The following AKR1E2 variants were observed in gnomAD, a reference collection of about 807,000 sequenced individuals.
AKR1E2 encodes the protein aldo-keto reductase family 1 member E2.
A neutral mutation model predicts 41.9 loss-of-function variants in AKR1E2; 43 were observed. That is an observed-to-expected ratio of 1.03 (90% CI 0.80 to 1.32). The LOEUF is 1.32. Among genes scored for constraint, AKR1E2 ranks in the 40% most tolerant of loss-of-function variants. The pLI, the probability that AKR1E2 is intolerant of heterozygous loss-of-function variation, is 0.00. For synonymous variants in AKR1E2, 121 were observed against 138.9 expected (o/e 0.87, Z 0.91); for missense variants, 423 against 396.5 (o/e 1.07, Z -0.57).
the AKR1E2 span, among the ~76,000 whole-genome samples, chr10:4,872,393 C>G: frequency 3.3e-5 from 5 of 152,014 alleles, no homozygotes; most frequent in Non-Finnish European, 7.4e-5. Flanking sequence ...TATGACTTTT[C>G]TTGGGAGAAA....
At chr10:4,871,765 G>C in the AKR1E2 span, 1 of 152,082 alleles carries the variant, frequency 6.6e-6, no homozygotes, top group Non-Finnish European at 1.5e-5. Flanking sequence ...TCTGATCCGG[G>C]GTCTTAGGCC....
rs1832899175 is a variant in AKR1E2, at chr10:4,830,683, A to G, written c.48A>G (p.Pro16=). The G allele has an allele frequency of 1.2e-6, 2 of 1,614,046 alleles. No individual in the cohort carries two copies. Among genetic ancestry groups the G allele is most frequent in the Non-Finnish European group, 1.7e-6 (2 of 1,179,926 alleles). Residue 16 remains proline, a synonymous_variant, in exon 2 of 10, where the codon CCA becomes CCG. Transcript: ENST00000298375. ...TTTTGTTGGTTTTGCAGGCTTCTCC[A>G]GGGAAAGTGACCGAGGCAGTGAAAG... ...AVGLSSWKAS[P]GKVTEAVKEA... is the part of the protein sequence containing the mutation.
At chr10:4,830,908 T>C in intron 2 of AKR1E2, 66 bp downstream of exon 2, 2 of 1,586,308 alleles carry the variant, frequency 1.3e-6, no homozygotes, top group Non-Finnish European at 1.7e-6. Context: ...GGCTTTCTAC[T>C]TTCTTTATGG....
At chr10:4,862,277 T>G in the AKR1E2 span, among the ~76,000 whole-genome samples, 8 of 152,184 alleles carry the variant, frequency 5.3e-5, no homozygotes, top group Non-Finnish European at 1.2e-4. Context: ...TCTGTTCTGT[T>G]CCATTGGTCT....
At chr10:4,828,115 C>A (rs1375102063) in intron 1 of AKR1E2, among the ~76,000 whole-genome samples, 1 of 152,158 alleles carries the variant, frequency 6.6e-6, no homozygotes, top group Non-Finnish European at 1.5e-5. Flanking sequence ...AGAAATGCTG[C>A]ATCAATGGCC....
At chr10:4,857,774 A>G in the AKR1E2 span, among the ~76,000 whole-genome samples, 3 of 152,148 alleles carry the variant, frequency 2.0e-5, no homozygotes, top group South Asian at 6.2e-4. Flanking sequence ...TAGGTTATCT[A>G]ACTTGCTGGC....
At chr10:4,853,115 A>C in the AKR1E2 span, among the ~76,000 whole-genome samples, 1 of 152,188 alleles carries the variant, frequency 6.6e-6, no homozygotes, top group East Asian at 1.9e-4. Context: ...GCCCCTAAAA[A>C]CTATTGTAGC....
the AKR1E2 span, among the ~76,000 whole-genome samples, chr10:4,860,294 G>A: frequency 2.0e-5 from 3 of 152,186 alleles, no homozygotes; most frequent in Non-Finnish European, 2.9e-5. Flanking sequence ...AGGCACCTTT[G>A]AGGTCAAGAA....
upstream of AKR1E2, chr10:4,825,083 C>T (rs1051048005): frequency 1.8e-5 from 8 of 448,848 alleles, no homozygotes; most frequent in African/African-American, 1.0e-4. Flanking sequence ...ATGAGAGTAT[C>T]GAAGATCCCC....
chr10:4,842,461 T>C lies in AKR1E2; in HGVS notation c.794T>C (p.Ile265Thr). ...CAAATCCAGAGGAATGTGATAGTGA[T>C]CCCCGGATCTATCACCCCAAGTCAC... ...RFQIQRNVIVIPGSITPSHIK... is the reference protein window; with the variant it reads ...RFQIQRNVIVTPGSITPSHIK... The change falls in exon 8 of 10, where the codon ATC (isoleucine) becomes ACC (threonine). Residue 265 changes from isoleucine to threonine, a missense_variant. By Grantham distance (89) the Ile-to-Thr change is moderately conservative. Coordinates refer to ENST00000298375, the MANE Select transcript of AKR1E2 (RefSeq NM_001040177.3). 6.2e-7 allele frequency: 1 copy of C among 1,614,178 alleles called. No homozygotes were observed. Among genetic ancestry groups the C allele is most frequent in the South Asian group, 1.1e-5 (1 of 91,074 alleles).
At chr10:4,837,364 A>G (rs1012443240) in intron 4 of AKR1E2, 95 bp from the exon 5 acceptor site, 104 of 1,460,122 alleles carry the variant, frequency 7.1e-5, no homozygotes, top group African/African-American at 9.8e-5. Context: ...ATTGGGTCCA[A>G]CCAGTTTTAG....
At chr10:4,832,469 G>C (rs1833044872) in intron 2 of AKR1E2, among the ~76,000 whole-genome samples, 1 of 152,192 alleles carries the variant, frequency 6.6e-6, no homozygotes, top group South Asian at 2.1e-4. Flanking sequence ...AGCAACTGGA[G>C]ATTTCTAAGG....
chr10:4,839,697 T>A, intron 5 of AKR1E2, 32 bp from the exon 6 acceptor site: 1 of 1,593,776 alleles, frequency 6.3e-7, no homozygotes, highest in Non-Finnish European at 8.6e-7. Flanking sequence ...ACTAGTGGTC[T>A]GAATTTTATG....
chr10:4,844,866 G>A (rs555016360), intron 8 of AKR1E2, among the ~76,000 whole-genome samples: 141 of 152,364 alleles, frequency 9.3e-4, no homozygotes, highest in Middle Eastern at 3.4e-3. Flanking sequence ...AGTGGATCCC[G>A]CACGGGGCCG....
intron 2 of AKR1E2, among the ~76,000 whole-genome samples, chr10:4,832,136 A>T (rs1406051228): frequency 6.6e-6 from 1 of 152,124 alleles, no homozygotes; most frequent in Admixed American, 6.5e-5. Flanking sequence ...CCATGAGATC[A>T]GGAGTCATGG....
At chr10:4,839,026 C>G (rs1277693579) in intron 5 of AKR1E2, among the ~76,000 whole-genome samples, 2 of 152,194 alleles carry the variant, frequency 1.3e-5, no homozygotes, top group Admixed American at 1.3e-4. Flanking sequence ...AGCAAACGCA[C>G]TATTCATAGT....
At chr10:4,826,726 G>T (rs1307127579) in intron 1 of AKR1E2, among the ~76,000 whole-genome samples, 4 of 152,146 alleles carry the variant, frequency 2.6e-5, no homozygotes, top group Non-Finnish European at 4.4e-5. Context: ...AGGCCTTGGC[G>T]GCGCTGGACT....
intron 5 of AKR1E2, 102 bp from the exon 6 acceptor site, chr10:4,839,627 G>A (rs927229747): frequency 3.8e-6 from 4 of 1,060,396 alleles, no homozygotes; most frequent in Admixed American, 1.8e-5. Flanking sequence ...GGGCCCCATG[G>A]CTACTCGGTG....
At chr10:4,842,177 T>C (rs545148490) in intron 7 of AKR1E2, among the ~76,000 whole-genome samples, 1 of 152,316 alleles carries the variant, frequency 6.6e-6, no homozygotes, top group East Asian at 1.9e-4. Context: ...TTTGTTCTAA[T>C]GTCCAGTGGG....
Sources: allele counts gnomAD v4.1 joint callset (sites outside exome capture counted in the v4.1 genomes callset), GRCh38; gene constraint gnomAD v4.1.1; transcripts MANE v1.5; gene names NCBI Gene and HGNC (gene_info 2026-07-23, HGNC 2026-07-21).